ITGB3BP: variants seen among roughly 807,000 people sequenced by gnomAD.
ITGB3BP encodes integrin subunit beta 3 binding protein, also known as centromere protein R.
Under a neutral mutation model 29.1 loss-of-function variants are expected in ITGB3BP, and 27 were observed. The observed-to-expected ratio is 0.93, with a 90% CI of 0.68 to 1.28. ITGB3BP has a LOEUF of 1.28. ITGB3BP is among the 50% of genes most tolerant of loss of function. The pLI, the probability that ITGB3BP is intolerant of heterozygous loss-of-function variation, is 0.00. For missense variants in ITGB3BP, 192 were observed against 200.2 expected (o/e 0.96, Z 0.25); for synonymous variants, 61 against 61.4 (o/e 0.99, Z 0.03).
chr1:63,493,884 T>A (rs1339834244), intron 2 of ITGB3BP, among the ~76,000 whole-genome samples: 1 of 152,236 alleles, frequency 6.6e-6, no homozygotes, highest in African/African-American at 2.4e-5. Context: ...ACTGTCAGCC[T>A]ATGCTAAAAT....
At chr1:63,482,107 T>C (rs1188948260) in intron 3 of ITGB3BP, among the ~76,000 whole-genome samples, 1 of 151,748 alleles carries the variant, frequency 6.6e-6, no homozygotes, top group Non-Finnish European at 1.5e-5. Flanking sequence ...ACCCTGTCTC[T>C]ACTAAAATAC....
intron 3 of ITGB3BP, among the ~76,000 whole-genome samples, chr1:63,489,321 C>T (rs1645595611): frequency 6.6e-6 from 1 of 150,750 alleles, no homozygotes; most frequent in Non-Finnish European, 1.5e-5. Context: ...AGGCTAATCA[C>T]AGTATATCTA....
intron 8 of ITGB3BP, 187 bp downstream of exon 8, chr1:63,446,619 G>A: frequency 1.7e-6 from 1 of 573,222 alleles, no homozygotes; most frequent in Non-Finnish European, 3.2e-6. Context: ...TCTAACTGAT[G>A]TCAGATGCCC....
intron 4 of ITGB3BP, among the ~76,000 whole-genome samples, chr1:63,461,253 CAAAAAAA>C (rs35374545): frequency 8.8e-5 from 5 of 56,810 alleles, no homozygotes; most frequent in African/African-American, 3.4e-4. Context: ...GACTCCATCT[CAAAAAAA>C]AAAAAAAAAA....
intron 2 of ITGB3BP, among the ~76,000 whole-genome samples, chr1:63,496,790 T>C (rs2100711514): frequency 6.6e-6 from 1 of 152,346 alleles, no homozygotes; most frequent in East Asian, 1.9e-4. Flanking sequence ...AGTTGATTTG[T>C]CCCATGACTT....
At chr1:63,455,821 T>G (rs554454135) in intron 4 of ITGB3BP, among the ~76,000 whole-genome samples, 1 of 152,264 alleles carries the variant, frequency 6.6e-6, no homozygotes, top group South Asian at 2.1e-4. Flanking sequence ...AAACCATATA[T>G]GTAATTTAAA....
intron 4 of ITGB3BP, among the ~76,000 whole-genome samples, chr1:63,474,361 C>A (rs1435236628): frequency 5.4e-3 from 780 of 144,732 alleles, no homozygotes; most frequent in South Asian, 0.028. Flanking sequence ...AGTGGGGAGC[C>A]CCTCTGCCCG....
intron 7 of ITGB3BP, chr1:63,449,238 C>G (rs1231201181): frequency 6.6e-6 from 1 of 152,500 alleles, no homozygotes; most frequent in Non-Finnish European, 1.5e-5. Flanking sequence ...TTATTACAGT[C>G]TTTCTTTTCA....
intron 1 of ITGB3BP, among the ~76,000 whole-genome samples, chr1:63,518,519 A>G (rs1273939011): frequency 6.7e-6 from 1 of 149,218 alleles, no homozygotes; most frequent in Non-Finnish European, 1.5e-5. Flanking sequence ...TTACCCTTTC[A>G]TTCTGGATAT....
At chr1:63,514,944 CAAAAAAAAAAA>C (rs55738892) in intron 1 of ITGB3BP, among the ~76,000 whole-genome samples, 1 of 117,110 alleles carries the variant, frequency 8.5e-6, no homozygotes. Flanking sequence ...GACTCTGTCT[CAAAAAAAAAAA>C]AAAAAAAAAG....
chr1:63,443,064 C>T (rs3009576), intron 8 of ITGB3BP: 115,477 of 152,102 alleles, frequency 0.76, 44,456 homozygotes, highest in African/African-American at 0.87. Flanking sequence ...GGGAGTGAAT[C>T]TGTATGGGAC....
chr1:63,499,653 T>C (rs1203111605), intron 2 of ITGB3BP, among the ~76,000 whole-genome samples: 2 of 152,142 alleles, frequency 1.3e-5, no homozygotes, highest in Non-Finnish European at 2.9e-5. Flanking sequence ...CCAAGCAGAA[T>C]TTATGCAAGG....
At chr1:63,492,203 G>GTC (rs1353924126) in intron 2 of ITGB3BP, among the ~76,000 whole-genome samples, 1 of 151,780 alleles carries the variant, frequency 6.6e-6, no homozygotes, top group Non-Finnish European at 1.5e-5. Context: ...GTGTGTGTGT[G>GTC]TGTGTGTGTG....
intron 4 of ITGB3BP, among the ~76,000 whole-genome samples, chr1:63,456,572 A>G (rs576861232): frequency 2.5e-4 from 38 of 152,310 alleles, no homozygotes; most frequent in Admixed American, 2.3e-3. Context: ...CTAGGAGTAC[A>G]AAGTGGAGGC....
intron 4 of ITGB3BP, among the ~76,000 whole-genome samples, chr1:63,462,273 A>G (rs1405704623): frequency 6.6e-6 from 1 of 152,146 alleles, no homozygotes; most frequent in Non-Finnish European, 1.5e-5. Flanking sequence ...TTTCCTATTC[A>G]AATTCATTAC....
intron 3 of ITGB3BP, among the ~76,000 whole-genome samples, chr1:63,486,344 G>A (rs1391747750): frequency 6.6e-6 from 1 of 151,956 alleles, no homozygotes; most frequent in Non-Finnish European, 1.5e-5. Context: ...AGGGTTAGGA[G>A]TGCCAAATCC....
chr1:63,521,392 T>C (rs1646440991), intron 1 of ITGB3BP, among the ~76,000 whole-genome samples: 1 of 151,918 alleles, frequency 6.6e-6, no homozygotes, highest in Admixed American at 6.6e-5. Flanking sequence ...ATTAGCAAAG[T>C]AATTGCTAGT....
chr1:63,494,310 G>T (rs1645735315), intron 2 of ITGB3BP, among the ~76,000 whole-genome samples: 1 of 152,140 alleles, frequency 6.6e-6, no homozygotes, highest in Admixed American at 6.6e-5. Context: ...GTAGAGACAA[G>T]GTTTCACTAT....
chr1:63,469,754 T>C (rs183486187), intron 4 of ITGB3BP, among the ~76,000 whole-genome samples: 2 of 152,366 alleles, frequency 1.3e-5, no homozygotes, highest in Admixed American at 1.3e-4. Flanking sequence ...TACTTAATCA[T>C]ATAACATGTC....
Sources: gnomAD v4.1 joint callset for allele counts (sites outside exome capture counted in the v4.1 genomes callset) on GRCh38, gnomAD v4.1.1 for gene constraint, MANE v1.5 for transcripts, NCBI Gene and HGNC (gene_info 2026-07-23, HGNC 2026-07-21) for gene names.